The following DPP10 variants were observed in gnomAD, a reference collection of about 807,000 sequenced individuals.
DPP10 encodes dipeptidyl peptidase like 10, also known as inactive dipeptidyl peptidase 10.
A neutral mutation model predicts 120.9 loss-of-function variants in DPP10; 33 were observed. The ratio of observed to expected loss-of-function variants is 0.27; its 90% CI spans 0.21 to 0.37. The LOEUF (loss-of-function observed/expected upper bound fraction) is 0.37. Ranked by LOEUF, DPP10 falls within the 10% of genes least tolerant of loss-of-function variation. The pLI is 1.00. For missense variants in DPP10, 816 were observed against 942.8 expected (o/e 0.87, Z 1.76); for synonymous variants, 337 against 326.1 (o/e 1.03, Z -0.36).
chr2:115,740,188 G>C (rs149568778), intron 9 of DPP10, among the ~76,000 whole-genome samples: 1 of 151,870 alleles, frequency 6.6e-6, no homozygotes, highest in African/African-American at 2.4e-5. Context: ...AGCAATTGGG[G>C]GTGTACTGAG....
chr2:114,454,541 A>G (rs1678459821), intron 1 of DPP10, among the ~76,000 whole-genome samples: 2 of 152,226 alleles, frequency 1.3e-5, no homozygotes, highest in Admixed American at 1.3e-4. Context: ...GCTCTAAGGA[A>G]CTAGTTTTTG....
chr2:114,664,700 A>G (rs1488711055), intron 1 of DPP10, among the ~76,000 whole-genome samples: 1 of 152,238 alleles, frequency 6.6e-6, no homozygotes, highest in African/African-American at 2.4e-5. Context: ...CACAGGCACA[A>G]TCGGGGATGG....
At chr2:114,691,744 G>A (rs1699762481) in intron 1 of DPP10, among the ~76,000 whole-genome samples, 1 of 151,890 alleles carries the variant, frequency 6.6e-6, no homozygotes, top group Non-Finnish European at 1.5e-5. Context: ...ATTTATTACT[G>A]TCTCAATTTC....
At chr2:115,597,956 G>T (rs1046098333) in intron 5 of DPP10, among the ~76,000 whole-genome samples, 4 of 151,928 alleles carry the variant, frequency 2.6e-5, no homozygotes, top group African/African-American at 9.7e-5. Context: ...CAGTTATTAG[G>T]TATATAAACA....
At chr2:115,324,582 T>C (rs2062244395) in intron 2 of DPP10, among the ~76,000 whole-genome samples, 1 of 152,210 alleles carries the variant, frequency 6.6e-6, no homozygotes, top group Admixed American at 6.5e-5. Context: ...GATTAGGCTT[T>C]GGCTTAAGGG....
At chr2:115,122,640 T>G (rs763269815) in intron 1 of DPP10, among the ~76,000 whole-genome samples, 2 of 152,204 alleles carry the variant, frequency 1.3e-5, no homozygotes, top group African/African-American at 2.4e-5. Context: ...TGTGGACATA[T>G]AAATAACAAA....
chr2:115,280,038 C>T (rs1356716759), intron 1 of DPP10, among the ~76,000 whole-genome samples: 1 of 152,056 alleles, frequency 6.6e-6, no homozygotes, highest in African/African-American at 2.4e-5. Context: ...TAATAGTTCT[C>T]AGTAAATGCT....
intron 1 of DPP10, among the ~76,000 whole-genome samples, chr2:114,449,655 T>C (rs544443046): frequency 5.3e-5 from 8 of 152,168 alleles, no homozygotes; most frequent in Non-Finnish European, 8.8e-5. Context: ...ATTAACCCTG[T>C]TAAGGATTTC....
chr2:114,961,207 A>T (rs1450067916), intron 1 of DPP10, among the ~76,000 whole-genome samples: 1 of 151,878 alleles, frequency 6.6e-6, no homozygotes. Context: ...GGCATGCACC[A>T]CCATGCTCAG....
At chr2:114,753,299 A>G (rs1393631910) in intron 1 of DPP10, among the ~76,000 whole-genome samples, 1 of 152,164 alleles carries the variant, frequency 6.6e-6, no homozygotes, top group African/African-American at 2.4e-5. Flanking sequence ...CCCACACCAA[A>G]TACCAGGCTT....
chr2:115,159,104 C>T (rs1014958209), intron 1 of DPP10, among the ~76,000 whole-genome samples: 1 of 151,816 alleles, frequency 6.6e-6, no homozygotes, highest in African/African-American at 2.4e-5. Flanking sequence ...ATCACAAAAA[C>T]TTAGAGAATG....
intron 17 of DPP10, among the ~76,000 whole-genome samples, chr2:115,787,723 T>C (rs6726028): frequency 0.29 from 44,642 of 152,112 alleles, 7,105 homozygotes; most frequent in Middle Eastern, 0.45. Context: ...AAGTTCAACA[T>C]AACGGAAGCA....
At chr2:115,297,365 T>C in intron 1 of DPP10, 1 of 275,368 alleles carries the variant, frequency 3.6e-6, no homozygotes, top group East Asian at 1.0e-4. Flanking sequence ...TCTATCGCTC[T>C]ACAATGAATA....
chr2:114,914,730 G>T (rs1694640288), intron 1 of DPP10, among the ~76,000 whole-genome samples: 1 of 152,174 alleles, frequency 6.6e-6, no homozygotes, highest in Non-Finnish European at 1.5e-5. Flanking sequence ...TGGGCTAACT[G>T]CTCCACTTAA....
intron 2 of DPP10, among the ~76,000 whole-genome samples, chr2:115,336,851 C>T (rs531720972): frequency 1.1e-3 from 173 of 151,954 alleles, no homozygotes; most frequent in African/African-American, 3.9e-3. Context: ...GCCACCTTCT[C>T]GTTGTTCAGT....
intron 3 of DPP10, among the ~76,000 whole-genome samples, chr2:115,405,767 C>A (rs2068460631): frequency 6.6e-6 from 1 of 152,174 alleles, no homozygotes; most frequent in Non-Finnish European, 1.5e-5. Flanking sequence ...TACCTGGGAT[C>A]CCTTGAACCA....
chr2:115,683,859 G>C (rs1475300033), intron 5 of DPP10, among the ~76,000 whole-genome samples: 3 of 151,426 alleles, frequency 2.0e-5, no homozygotes, highest in Non-Finnish European at 4.4e-5. Flanking sequence ...CTTTCTTATT[G>C]TAGTAGAAAA....
chr2:115,331,478 AG>A (rs2062728603), intron 2 of DPP10, among the ~76,000 whole-genome samples: 1 of 152,124 alleles, frequency 6.6e-6, no homozygotes, highest in South Asian at 2.1e-4. Context: ...GAGTGGTGAA[AG>A]GGGGCATCCC....
At chr2:115,060,200 T>TA (rs1491555413) in intron 1 of DPP10, among the ~76,000 whole-genome samples, 60 of 148,704 alleles carry the variant, frequency 4.0e-4, no homozygotes, top group Non-Finnish European at 5.6e-4. Context: ...GATAAAGAAA[T>TA]TTATATATAT....
Sources: allele counts gnomAD v4.1 joint callset (sites outside exome capture counted in the v4.1 genomes callset), GRCh38; gene constraint gnomAD v4.1.1; transcripts MANE v1.5; gene names NCBI Gene and HGNC (gene_info 2026-07-23, HGNC 2026-07-21).